Variants in TCTN1 observed in about 807,000 individuals in gnomAD.
The protein encoded by TCTN1 is tectonic family member 1, also known as tectonic-1.
In TCTN1, 58 loss-of-function variants were observed where a neutral mutation model predicts 65.8. That is an observed-to-expected ratio of 0.88 (90% CI 0.71 to 1.10). The LOEUF is 1.10. Ranked by LOEUF, TCTN1 falls within the 50% of genes least tolerant of loss-of-function variation. The pLI is 0.00. For synonymous variants in TCTN1, 273 were observed against 289.1 expected (o/e 0.94, Z 0.57); for missense variants, 645 against 719.4 (o/e 0.90, Z 1.18).
chr12:110,614,874 G>A (rs2064927876), intron 1 of TCTN1, among the ~76,000 whole-genome samples: 1 of 152,212 alleles, frequency 6.6e-6, no homozygotes, highest in Non-Finnish European at 1.5e-5. Context: ...TGAATTGGAG[G>A]TGGAAAGCTA....
In TCTN1 at chr12:110,641,233, T is replaced by G; in HGVS notation, c.1104+84T>G. 1.9e-6 allele frequency: 3 copies of G among 1,576,606 alleles called. No individual in the cohort carries two copies. The South Asian group carries it at 3.4e-5, about 18-fold the overall frequency. ...TTCTCAGTGGATAAAACTGAATTTC[T>G]AAGTATTACATCCAAGCCTTTGTAG... On this transcript the variant is annotated intron_variant, in intron 9 of 14. Transcript: ENST00000397659.
intron 4 of TCTN1, among the ~76,000 whole-genome samples, chr12:110,631,793 A>C (rs1406708493): frequency 6.6e-6 from 1 of 152,214 alleles, no homozygotes; most frequent in Admixed American, 6.5e-5. Context: ...AATCCTTAGG[A>C]TACATTCCTA....
chr12:110,644,897 G>C lies in TCTN1; in HGVS notation c.1332-70G>C. The C allele has an allele frequency of 6.3e-7, 1 of 1,593,120 alleles. No individual in the cohort carries two copies. ...AAATAAACAAAGGGAAGGAAAGGAA[G>C]AAGAAAATGAAAAACTGCTGGTGGA... On this transcript the variant is annotated intron_variant, in intron 11 of 14. Transcript: ENST00000397659. The surrounding 1 kb of genome is among the most constrained non-coding windows in gnomAD (Gnocchi z 4.6).
chr12:110,636,076 T>G (rs1593322759), intron 6 of TCTN1: 1 of 223,990 alleles, frequency 4.5e-6, no homozygotes. Context: ...CAGTTAGGAG[T>G]CTGTGGAAAT....
At chr12:110,620,583 A>T (rs1019427906) in intron 2 of TCTN1, among the ~76,000 whole-genome samples, 3 of 152,192 alleles carry the variant, frequency 2.0e-5, no homozygotes, top group African/African-American at 7.2e-5. Context: ...GTGAATTAGT[A>T]TAGCCTAGGG....
rs1175762545 is a variant in TCTN1 at position 110,647,269 on chromosome 12, C to T, written c.1568C>T (p.Ser523Phe). Residue 523 changes from serine to phenylalanine, a missense_variant, in exon 13 of 15, where the codon TCC (serine) becomes TTC (phenylalanine). Transcript: ENST00000397659. ...GAAGTGAAGTGGACTAAATACGGAT[C>T]CCTGCTGAATCCACAGGCCAAAATA... ...VIEVKWTKYG[S>F]LLNPQAKIVN... 1 of 1,614,168 alleles carries T rather than the reference C, an allele frequency of 6.2e-7. No individual in the cohort carries two copies. Among genetic ancestry groups the T allele is most frequent in the South Asian group, 1.1e-5 (1 of 91,086 alleles).
Position 110,645,095 on chromosome 12 carries a change from C to T in TCTN1, c.1460C>T (p.Pro487Leu). 1.9e-6 allele frequency: 3 copies of T among 1,614,096 alleles called. No individual in the cohort carries two copies. Among genetic ancestry groups the T allele is most frequent in the Middle Eastern group, 1.7e-4 (1 of 6,058 alleles). ...SQAQDMLDWVPIHFITQSFNR... is the reference protein window; with the variant it reads ...SQAQDMLDWVLIHFITQSFNR... The stretch of plus-strand genomic sequence containing the variant: ...GCCCAGGACATGCTGGACTGGGTGC[C>T]CATCCACTTCATCACCCAGTCATTC... The change falls in exon 12 of 15, where the codon CCC becomes CTC. Residue 487 changes from proline to leucine, a missense_variant. Pro to Leu is a moderately conservative substitution (Grantham distance 98). Coordinates refer to ENST00000397659, the MANE Select transcript of TCTN1 (RefSeq NM_001082538.3).
chr12:110,627,761 C>A, intron 3 of TCTN1: 3 of 441,584 alleles, frequency 6.8e-6, no homozygotes, highest in Admixed American at 3.9e-5. Context: ...TTATTTTTAT[C>A]TGAGCATTTA....
chr12:110,625,463 A>T (rs913702049), intron 2 of TCTN1, among the ~76,000 whole-genome samples: 3 of 152,074 alleles, frequency 2.0e-5, no homozygotes, highest in Admixed American at 2.0e-4. Context: ...CTAAATAAAA[A>T]TGGATTCAGC....
In TCTN1 at chr12:110,614,135, G is replaced by C. The variant is rs1433377009; in HGVS notation, c.-48G>C. The C allele has an allele frequency of 1.9e-6, 3 of 1,539,616 alleles. No individual in the cohort carries two copies. The highest frequency in any genetic ancestry group is 2.3e-4 in the Middle Eastern group (1 of 4,352). On this transcript the variant is annotated 5_prime_UTR_variant, in exon 1 of 15. Transcript: ENST00000397659. ...CCCGCGCCTGGCTGTCGCGGTTGCC[G>C]GGCAACGCGCTGTCCATGTCGCGGG...
At chr12:110,641,829 T>C in intron 10 of TCTN1, 1 of 587,762 alleles carries the variant, frequency 1.7e-6, no homozygotes, top group Non-Finnish European at 3.0e-6. Flanking sequence ...CAGTTGGGGG[T>C]GAGACAGCAC....
chr12:110,648,408 A>AGAT (rs1321104335), intron 14 of TCTN1, among the ~76,000 whole-genome samples: 1 of 152,192 alleles, frequency 6.6e-6, no homozygotes, highest in African/African-American at 2.4e-5. Flanking sequence ...CATAGGTCAT[A>AGAT]GATGATAGAA....
intron 12 of TCTN1, 193 bp downstream of exon 12, chr12:110,645,322 CT>C: frequency 1.5e-6 from 1 of 665,880 alleles, no homozygotes; most frequent in Non-Finnish European, 2.6e-6. Context: ...GGCTTTGAGC[CT>C]CTGTTTTCAT....
intron 1 of TCTN1, chr12:110,616,339 C>T: frequency 2.4e-6 from 1 of 417,002 alleles, no homozygotes; most frequent in South Asian, 1.7e-5. Flanking sequence ...GCAGCCTCGA[C>T]CTCCTAGGCT....
chr12:110,638,150 T>G (rs1406166298), intron 7 of TCTN1, among the ~76,000 whole-genome samples: 1 of 152,132 alleles, frequency 6.6e-6, no homozygotes, highest in Non-Finnish European at 1.5e-5. Flanking sequence ...GACAGGGATC[T>G]AGGTGGTCTG....
At chr12:110,635,119 C>A (rs2066472771) in intron 6 of TCTN1, among the ~76,000 whole-genome samples, 1 of 152,146 alleles carries the variant, frequency 6.6e-6, no homozygotes, top group South Asian at 2.1e-4. Context: ...ATCTTATTAG[C>A]CCCAAAAAGG....
At chr12:110,615,249 C>T (rs1364582635) in intron 1 of TCTN1, among the ~76,000 whole-genome samples, 1 of 151,852 alleles carries the variant, frequency 6.6e-6, no homozygotes, top group African/African-American at 2.4e-5. Context: ...CCAGACTGGG[C>T]GACAGAGCAA....
At chr12:110,648,566 G>A (rs1465326807) in intron 14 of TCTN1, 1 of 158,258 alleles carries the variant, frequency 6.3e-6, no homozygotes, top group African/African-American at 2.4e-5. Context: ...TTTGGGTCCG[G>A]TTGAAATGAG....
rs548124640 is a variant in TCTN1, at chr12:110,621,752, G to A, written c.341+1796G>A. ...CTCCCAAAGTGCTGGGATTACAGGCGTGAGCCACTGCGCCTAACCTGGAAG... is the reference window on the plus strand; with the variant it reads ...CTCCCAAAGTGCTGGGATTACAGGCATGAGCCACTGCGCCTAACCTGGAAG... On this transcript the variant is annotated intron_variant, in intron 2 of 14. Coordinates refer to ENST00000397659, the MANE Select transcript of TCTN1 (RefSeq NM_001082538.3). Among the ~76,000 whole-genome samples, 23 of 152,044 alleles carry A rather than the reference G, an allele frequency of 1.5e-4. No homozygotes were observed. The Middle Eastern group carries it at 0.017, about 113-fold the overall frequency.
Sources: allele counts gnomAD v4.1 joint callset (sites outside exome capture counted in the v4.1 genomes callset), GRCh38; gene constraint gnomAD v4.1.1; non-coding constraint Gnocchi (gnomAD v3.1); transcripts MANE v1.5; gene names NCBI Gene and HGNC (gene_info 2026-07-23, HGNC 2026-07-21).